ADGRL2: variants seen among roughly 807,000 people sequenced by gnomAD.
The protein encoded by ADGRL2 is adhesion G protein-coupled receptor L2, also known as calcium-independent alpha-latrotoxin receptor 2.
A neutral mutation model predicts 157.4 loss-of-function variants in ADGRL2; 44 were observed. The observed-to-expected ratio is 0.28, with a 90% confidence interval of 0.22 to 0.36. The LOEUF (loss-of-function observed/expected upper bound fraction) is 0.36, where lower values mean the gene tolerates loss of function less well. Among genes scored for constraint, ADGRL2 ranks in the 10% least tolerant of loss-of-function variants. The pLI is 1.00. For missense variants in ADGRL2, 1,510 were observed against 1,768.9 expected, an observed-to-expected ratio of 0.85 and a Z score of 2.63; for synonymous variants, 585 against 624.7, an observed-to-expected ratio of 0.94 and a Z score of 0.95.
chr1:81,979,115 C>A (rs1311747333), intron 17 of ADGRL2, among the ~76,000 whole-genome samples: 1 of 151,760 alleles, frequency 6.6e-6, no homozygotes, highest in Non-Finnish European at 1.5e-5. Flanking sequence ...TTCCTCTGAG[C>A]AAGCTCATGT....
intron 3 of ADGRL2, among the ~76,000 whole-genome samples, chr1:81,651,370 G>C (rs1000281560): frequency 6.6e-6 from 1 of 152,158 alleles, no homozygotes; most frequent in Non-Finnish European, 1.5e-5. Flanking sequence ...TTGGGGCAGA[G>C]TCTTGCTAAC....
intron 2 of ADGRL2, among the ~76,000 whole-genome samples, chr1:81,565,995 A>G (rs1312338217): frequency 6.6e-6 from 1 of 152,222 alleles, no homozygotes; most frequent in African/African-American, 2.4e-5. Flanking sequence ...GCAGCTTTGC[A>G]GAGGGGTACA....
At chr1:81,789,972 A>G (rs1356387921) in intron 2 of ADGRL2, among the ~76,000 whole-genome samples, 2 of 152,152 alleles carry the variant, frequency 1.3e-5, no homozygotes, top group Admixed American at 1.3e-4. Flanking sequence ...TTTTTAGCAT[A>G]ATGTATAATT....
intron 1 of ADGRL2, among the ~76,000 whole-genome samples, chr1:81,413,791 A>T (rs944374950): frequency 6.6e-6 from 1 of 152,216 alleles, no homozygotes; most frequent in African/African-American, 2.4e-5. Context: ...TGTTTTTCAC[A>T]GTGGTATGTT....
rs368164265 is a variant in ADGRL2 at position 81,539,104 on chromosome 1, A to G, written c.-247-41772A>G. Reference sequence around the variant, plus strand: ...AATAAAAATCTTTGTGTTGGATGTGAAACAGAATTAGGTGTGCATATTTAT... The same window carrying G: ...AATAAAAATCTTTGTGTTGGATGTGGAACAGAATTAGGTGTGCATATTTAT... On this transcript the variant is annotated intron_variant, in intron 2 of 24. Coordinates refer to the ADGRL2 transcript ENST00000370721. Among the ~76,000 whole-genome samples the G allele has an allele frequency of 3.9e-5, 6 of 152,084 alleles. No individual in the cohort carries two copies. In the East Asian group the frequency reaches 1.2e-3, roughly 29 times the overall value.
chr1:81,828,814 C>T (rs186771042), intron 1 of ADGRL2, among the ~76,000 whole-genome samples: 5 of 151,978 alleles, frequency 3.3e-5, no homozygotes, highest in Non-Finnish European at 7.4e-5. Flanking sequence ...TTTTTCATAC[C>T]TAACAGCCAC....
chr1:81,745,654 T>A (rs150099616), intron 1 of ADGRL2, among the ~76,000 whole-genome samples: 276 of 152,266 alleles, frequency 1.8e-3, no homozygotes, highest in South Asian at 4.4e-3. Flanking sequence ...GAATATAAAT[T>A]TATGTGAAAA....
chr1:81,306,554 G>A (rs929671649), intron 1 of ADGRL2: 3 of 151,968 alleles, frequency 2.0e-5, no homozygotes, highest in African/African-American at 7.3e-5. Flanking sequence ...TGCCTCCACT[G>A]TCTGCTCATT....
At chr1:81,390,728 T>C (rs1184487300) in intron 1 of ADGRL2, among the ~76,000 whole-genome samples, 1 of 152,310 alleles carries the variant, frequency 6.6e-6, no homozygotes, top group African/African-American at 2.4e-5. Context: ...TGGACATGTT[T>C]CTGTATCAGT....
chr1:81,972,898 C>T (rs1009117665), intron 17 of ADGRL2, among the ~76,000 whole-genome samples: 1 of 118,340 alleles, frequency 8.5e-6, no homozygotes, highest in East Asian at 2.5e-4. Context: ...GGCAACAGAG[C>T]GAGACCCTGT....
chr1:81,358,837 T>A (rs1457713090), intron 1 of ADGRL2, among the ~76,000 whole-genome samples: 1 of 152,098 alleles, frequency 6.6e-6, no homozygotes, highest in Admixed American at 6.6e-5. Flanking sequence ...ATTAGAAATT[T>A]TCATCAGTTC....
At chr1:81,672,701 C>T (rs912121528) in intron 3 of ADGRL2, among the ~76,000 whole-genome samples, 6 of 152,054 alleles carry the variant, frequency 3.9e-5, no homozygotes, top group South Asian at 2.1e-4. Flanking sequence ...GACATTGAAC[C>T]GTGATTTCAT....
chr1:81,485,921 A>G (rs994045630), intron 2 of ADGRL2, among the ~76,000 whole-genome samples: 3 of 152,190 alleles, frequency 2.0e-5, no homozygotes, highest in African/African-American at 7.2e-5. Context: ...AAGATCAGAC[A>G]TCTACTGAGC....
intron 1 of ADGRL2, among the ~76,000 whole-genome samples, chr1:81,351,103 G>T (rs1159906740): frequency 6.6e-6 from 1 of 152,030 alleles, no homozygotes; most frequent in Non-Finnish European, 1.5e-5. Flanking sequence ...GCCTTTTAAG[G>T]GTCGCTTAGC....
At chr1:81,512,916 A>AT (rs11388955) in intron 2 of ADGRL2, among the ~76,000 whole-genome samples, 23,595 of 149,202 alleles carry the variant, frequency 0.16, 1,948 homozygotes, top group African/African-American at 0.2. Context: ...CTCTTGGCTA[A>AT]TTTTTTTTTT....
In ADGRL2 at chr1:81,942,954, C is replaced by G; in HGVS notation, c.410-15C>G. The G allele has an allele frequency of 6.3e-7, 1 of 1,588,848 alleles. No individual in the cohort carries two copies. On this transcript the variant is annotated splice_polypyrimidine_tract_variant and intron_variant, in intron 5 of 23. Transcript: ENST00000686636. Reference sequence around the variant, plus strand: ...TTAACTTGGCTTAATTTTTGTCTTTCTCTGTAACTGTTAGTTTTTGTGTGT... The same window carrying G: ...TTAACTTGGCTTAATTTTTGTCTTTGTCTGTAACTGTTAGTTTTTGTGTGT...
rs1237803235 is a variant in ADGRL2, at chr1:81,344,677, A to AT, written c.-302+38168_-302+38169insT. On this transcript the variant is annotated intron_variant, in intron 1 of 24. Transcript: ENST00000370721. ...GCGAAACTCTGTCTCAAAAAAAAAA[A>AT]AAAAAAAAAAAAAGCAGATTATATT... Among the ~76,000 whole-genome samples the AT allele has an allele frequency of 1.7e-3, 251 of 147,592 alleles. 1 individual carries two copies. The highest frequency in any genetic ancestry group is 3.8e-3 in the African/African-American group (156 of 40,856).
chr1:81,721,656 G>A, intron 1 of ADGRL2: 2 of 943,820 alleles, frequency 2.1e-6, no homozygotes, highest in Non-Finnish European at 3.3e-6. Flanking sequence ...CTGGAACCGG[G>A]CTGCAGCTCT....
At chr1:81,971,361 A>C (rs1263790092) in intron 16 of ADGRL2, among the ~76,000 whole-genome samples, 1 of 152,086 alleles carries the variant, frequency 6.6e-6, no homozygotes, top group African/African-American at 2.4e-5. Flanking sequence ...ATCCATTCCT[A>C]GTGGAGGTAT....
Sources: gnomAD v4.1 joint callset for allele counts (sites outside exome capture counted in the v4.1 genomes callset) on GRCh38, gnomAD v4.1.1 for gene constraint, MANE v1.5 for transcripts, NCBI Gene and HGNC (gene_info 2026-07-23, HGNC 2026-07-21) for gene names.